NCOA1: variants seen among roughly 807,000 people sequenced by gnomAD.
The protein encoded by NCOA1 is Hin-2 protein.
NCOA1 carries 35 observed loss-of-function variants against 150.9 expected under a neutral mutation model. The ratio of observed to expected loss-of-function variants is 0.23; its 90% CI spans 0.18 to 0.31. The LOEUF (loss-of-function observed/expected upper bound fraction) is 0.31, where lower values mean the gene tolerates loss of function less well. NCOA1 is among the 10% of genes least tolerant of loss of function. The probability of loss-of-function intolerance (pLI) is 1.00; values close to 1 mark genes in which losing one functional copy is unlikely to be tolerated. For missense variants in NCOA1, 1,491 were observed against 1,749.3 expected (o/e 0.85, Z 2.63); for synonymous variants, 590 against 630.0 (o/e 0.94, Z 0.95).
intron 1 of NCOA1, among the ~76,000 whole-genome samples, chr2:24,559,895 T>C (rs1666228129): frequency 6.6e-6 from 1 of 152,210 alleles, no homozygotes; most frequent in Non-Finnish European, 1.5e-5. Flanking sequence ...GCTTCCATTC[T>C]GCCCTGAAGC....
intron 4 of NCOA1, among the ~76,000 whole-genome samples, chr2:24,645,364 G>A (rs939464666): frequency 3.1e-4 from 47 of 151,032 alleles, no homozygotes; most frequent in African/African-American, 1.0e-3. Flanking sequence ...TTAGCCAGGC[G>A]TGGTGGTGGG....
intron 10 of NCOA1, among the ~76,000 whole-genome samples, chr2:24,694,218 G>C (rs1672796503): frequency 6.6e-6 from 1 of 152,110 alleles, no homozygotes; most frequent in African/African-American, 2.4e-5. Flanking sequence ...AGTTGTTACT[G>C]TTCTTTATAG....
intron 1 of NCOA1, among the ~76,000 whole-genome samples, chr2:24,511,110 TTGTC>T (rs1226928275): frequency 2.0e-5 from 3 of 152,224 alleles, no homozygotes; most frequent in Admixed American, 2.0e-4. Flanking sequence ...ATTTCACCTT[TTGTC>T]TGACTTCTTT....
chr2:24,766,498 G>A (rs934095564), intron 22 of NCOA1, among the ~76,000 whole-genome samples: 2 of 152,160 alleles, frequency 1.3e-5, no homozygotes, highest in African/African-American at 4.8e-5. Context: ...ACGGCAGCTG[G>A]GGAGTGAGTT....
intron 3 of NCOA1, among the ~76,000 whole-genome samples, chr2:24,593,177 C>T (rs951487903): frequency 6.6e-6 from 1 of 152,070 alleles, no homozygotes; most frequent in Non-Finnish European, 1.5e-5. Context: ...TAGAAGTCAG[C>T]GTTGGCAGCA....
intron 3 of NCOA1, among the ~76,000 whole-genome samples, chr2:24,623,578 C>T (rs977122029): frequency 6.6e-6 from 1 of 152,130 alleles, no homozygotes; most frequent in African/African-American, 2.4e-5. Flanking sequence ...GCACACCCCT[C>T]GGAGGGTCTG....
chr2:24,522,271 C>T (rs1297295964), intron 1 of NCOA1, among the ~76,000 whole-genome samples: 7 of 152,020 alleles, frequency 4.6e-5, no homozygotes, highest in Non-Finnish European at 8.8e-5. Flanking sequence ...GATCCAGTAA[C>T]ACTACACCAC....
At chr2:24,697,230 G>A (rs1270410828) in intron 10 of NCOA1, among the ~76,000 whole-genome samples, 2 of 152,130 alleles carry the variant, frequency 1.3e-5, no homozygotes, top group South Asian at 2.1e-4. Flanking sequence ...GAAAAGGCTT[G>A]CTTCTTTTCT....
At chr2:24,696,933 T>C (rs895942423) in intron 10 of NCOA1, among the ~76,000 whole-genome samples, 4 of 151,976 alleles carry the variant, frequency 2.6e-5, no homozygotes, top group African/African-American at 9.7e-5. Context: ...TAAGATTCTG[T>C]AAAACGTAAT....
chr2:24,542,573 G>A (rs1264414459), intron 1 of NCOA1, among the ~76,000 whole-genome samples: 1 of 152,106 alleles, frequency 6.6e-6, no homozygotes, highest in Non-Finnish European at 1.5e-5. Flanking sequence ...GTTTTTGATT[G>A]TACTGAGGAC....
At chr2:24,665,528 G>A (rs1671381032) in intron 5 of NCOA1, among the ~76,000 whole-genome samples, 1 of 152,030 alleles carries the variant, frequency 6.6e-6, no homozygotes, top group Non-Finnish European at 1.5e-5. Context: ...ATCTGTTATA[G>A]CAGTCAATTT....
At chr2:24,696,545 A>G (rs1672907052) in intron 10 of NCOA1, among the ~76,000 whole-genome samples, 2 of 152,238 alleles carry the variant, frequency 1.3e-5, no homozygotes, top group Non-Finnish European at 2.9e-5. Context: ...TGGTGGAAGC[A>G]TAGAGTGGTA....
At chr2:24,695,649 A>G (rs938816137) in intron 10 of NCOA1, among the ~76,000 whole-genome samples, 1 of 152,212 alleles carries the variant, frequency 6.6e-6, no homozygotes, top group African/African-American at 2.4e-5. Flanking sequence ...GATGATCCAT[A>G]TCTCTTAAAA....
intron 1 of NCOA1, among the ~76,000 whole-genome samples, chr2:24,557,621 A>G (rs1666125461): frequency 6.6e-6 from 1 of 151,224 alleles, no homozygotes; most frequent in East Asian, 1.9e-4. Flanking sequence ...ACTGCCTTTA[A>G]TATATTTTGT....
At position 24,767,989 on chromosome 2, in the gene NCOA1, G is replaced by A; in HGVS notation, c.4156-232G>A. 1.5e-6 allele frequency: 2 copies of A among 1,302,510 alleles called. 1 individual carries two copies. Among genetic ancestry groups the A allele is most frequent in the Non-Finnish European group, 2.2e-6 (2 of 904,106 alleles). 80.7% of individuals were successfully genotyped at this position (1,302,510 alleles called of 1,614,324 possible). On this transcript the variant is annotated intron_variant, in intron 22 of 22. Coordinates refer to ENST00000348332, the MANE Select transcript of NCOA1 (RefSeq NM_003743.5). ...CAGTATTGATGGCAACCCTATAGGA[G>A]GCGTGACCATTCCAATTTTGATTTT... is the stretch of plus-strand genomic sequence containing the variant.
intron 2 of NCOA1, among the ~76,000 whole-genome samples, chr2:24,572,573 T>C (rs1423992722): frequency 1.3e-5 from 2 of 152,162 alleles, no homozygotes; most frequent in Admixed American, 6.6e-5. Context: ...CAGATAACTT[T>C]TTCGTGAAGA....
intron 8 of NCOA1, 64 bp from the exon 9 acceptor site, chr2:24,691,417 G>A (rs1254503946): frequency 6.1e-6 from 9 of 1,477,426 alleles, no homozygotes; most frequent in Non-Finnish European, 7.5e-6. Flanking sequence ...TACATCTTTT[G>A]TATCTTCAGA....
chr2:24,548,226 A>G (rs1665685327), intron 1 of NCOA1, among the ~76,000 whole-genome samples: 1 of 152,164 alleles, frequency 6.6e-6, no homozygotes, highest in Admixed American at 6.5e-5. Context: ...GGGAGGAGCA[A>G]GTCACGTCTT....
intron 1 of NCOA1, among the ~76,000 whole-genome samples, chr2:24,554,776 A>G (rs1196315859): frequency 6.6e-6 from 1 of 152,132 alleles, no homozygotes; most frequent in African/African-American, 2.4e-5. Context: ...GTCTTTAAGA[A>G]TGGCAACCAT....
Sources: allele counts gnomAD v4.1 joint callset (sites outside exome capture counted in the v4.1 genomes callset), GRCh38; gene constraint gnomAD v4.1.1; transcripts MANE v1.5; gene names NCBI Gene and HGNC (gene_info 2026-07-23, HGNC 2026-07-21).